CDK12: variants seen among roughly 807,000 people sequenced by gnomAD.
CDK12 encodes the protein cyclin dependent kinase 12.
Under a neutral mutation model 133.8 loss-of-function variants are expected in CDK12, and 17 were observed. The observed-to-expected ratio is 0.13, with a 90% confidence interval of 0.09 to 0.19. CDK12 has a LOEUF of 0.19. Among genes scored for constraint, CDK12 ranks in the 10% least tolerant of loss-of-function variants. The pLI, the probability that CDK12 is intolerant of heterozygous loss-of-function variation, is 1.00. For synonymous variants in CDK12, 694 were observed against 683.6 expected (o/e 1.02, Z -0.24); for missense variants, 1,508 against 1,818.7 (o/e 0.83, Z 3.11).
intron 13 of CDK12, among the ~76,000 whole-genome samples, chr17:39,528,364 C>T (rs568726384): frequency 2.0e-5 from 3 of 152,058 alleles, no homozygotes; most frequent in Non-Finnish European, 4.4e-5. Flanking sequence ...GATGGAGTCT[C>T]GCTCTGTCAC....
chr17:39,487,681 A>G (rs2051247588), intron 2 of CDK12, among the ~76,000 whole-genome samples: 2 of 138,816 alleles, frequency 1.4e-5, no homozygotes, highest in South Asian at 4.4e-4. Flanking sequence ...CAGTGGCACG[A>G]TCTCGGCTTA....
chr17:39,470,342 C>T (rs1188658588), intron 1 of CDK12, among the ~76,000 whole-genome samples: 2 of 151,768 alleles, frequency 1.3e-5, no homozygotes, highest in East Asian at 1.9e-4. Context: ...AGGATGGTCT[C>T]GATCTGCTGA....
In CDK12 at chr17:39,486,506, A is replaced by G. The variant is rs183544449; in HGVS notation, c.1932-4051A>G. On this transcript the variant is annotated intron_variant, in intron 2 of 13. Coordinates refer to ENST00000447079, the MANE Select transcript of CDK12 (RefSeq NM_016507.4). ...GGTCTTGAACTCCTGGGCTCAAGCAATCTTCCTGCCTTGGCTCCCAAAGTA... is the reference window on the plus strand; with the variant it reads ...GGTCTTGAACTCCTGGGCTCAAGCAGTCTTCCTGCCTTGGCTCCCAAAGTA... 2.0e-4 allele frequency among the ~76,000 whole-genome samples: 31 copies of G among 151,958 alleles called. No homozygotes were observed. The East Asian group carries it at 3.1e-3, about 15-fold the overall frequency.
rs1417260168 is a variant in CDK12 at position 39,531,040 on chromosome 17, G to A, written c.4197G>A (p.Gly1399=). 12 of 1,613,580 alleles carry A rather than the reference G, an allele frequency of 7.4e-6. No individual in the cohort carries two copies. The highest frequency in any genetic ancestry group is 2.7e-5 in the African/African-American group (2 of 74,900). ...GCACAGGGTCAGTGCAGTTTCCAGG[G>A]GACCAGGACCTCCGTTTTGCCAGGG... ...YQGTGSVQFP[G]DQDLRFARVP... The change falls in exon 14 of 14, where the codon GGG becomes GGA. Residue 1399 remains glycine (G), a synonymous_variant. Transcript: ENST00000447079.
chr17:39,562,316 T>C (rs2056402471), intron 3 of CDK12, among the ~76,000 whole-genome samples: 1 of 152,212 alleles, frequency 6.6e-6, no homozygotes, highest in Non-Finnish European at 1.5e-5. Context: ...CTCTGTCCTC[T>C]GGTTGGGAGT....
At chr17:39,549,351 G>A (rs1010598870), upstream of CDK12, 1 of 152,286 alleles carries the variant, frequency 6.6e-6, no homozygotes, top group African/African-American at 2.4e-5. Flanking sequence ...GTGACTTCAC[G>A]CTACAGCTCT....
chr17:39,514,858 C>T (rs538224650), intron 8 of CDK12, among the ~76,000 whole-genome samples: 1 of 152,108 alleles, frequency 6.6e-6, no homozygotes. Context: ...TTTCCTTGTG[C>T]CCTTTTGTAA....
intron 1 of CDK12, among the ~76,000 whole-genome samples, chr17:39,542,182 A>G (rs936789521): frequency 5.9e-5 from 9 of 152,024 alleles, no homozygotes; most frequent in Non-Finnish European, 1.3e-4. Flanking sequence ...TGTATCTTAA[A>G]GAATAATCTT....
intron 13 of CDK12, among the ~76,000 whole-genome samples, chr17:39,528,555 T>G (rs1007811743): frequency 6.6e-6 from 1 of 152,100 alleles, no homozygotes; most frequent in Non-Finnish European, 1.5e-5. Flanking sequence ...GGCTGGTCTC[T>G]AACTCCTGAC....
At chr17:39,506,115 T>A (rs2053103519) in intron 6 of CDK12, among the ~76,000 whole-genome samples, 1 of 151,902 alleles carries the variant, frequency 6.6e-6, no homozygotes, top group East Asian at 1.9e-4. Flanking sequence ...AAGTTGCTGA[T>A]TACAGACAAG....
intron 1 of CDK12, among the ~76,000 whole-genome samples, chr17:39,463,804 A>G (rs2049111425): frequency 6.6e-6 from 1 of 151,874 alleles, no homozygotes; most frequent in Non-Finnish European, 1.5e-5. Context: ...CTTTCTCTAA[A>G]ACACATAGTA....
chr17:39,530,959 G>T lies in CDK12; in HGVS notation c.4116G>T (p.Lys1372Asn). The change falls in exon 14 of 14, where the codon AAG (lysine) becomes AAT (asparagine). Residue 1372 changes from lysine to asparagine, a missense_variant. Transcript: ENST00000447079. ...LTESLVQTLV[K>N]NRTFSGSLSH... ...AATCCTTGGTCCAGACCCTGGTGAA[G>T]AACAGGACCTTCTCAGGCTCTCTGA... The T allele has an allele frequency of 6.2e-7, 1 of 1,614,200 alleles. No individual in the cohort carries two copies.
At chr17:39,493,763 C>T (rs2051838044) in intron 4 of CDK12, among the ~76,000 whole-genome samples, 1 of 151,972 alleles carries the variant, frequency 6.6e-6, no homozygotes, top group Non-Finnish European at 1.5e-5. Context: ...TTTGGGAGGC[C>T]AGGTGGGCAG....
At chr17:39,519,411 C>T (rs767435305) in intron 10 of CDK12, among the ~76,000 whole-genome samples, 27 of 141,558 alleles carry the variant, frequency 1.9e-4, no homozygotes, top group Non-Finnish European at 2.6e-4. Context: ...TGGGTCCAAG[C>T]GATTCTCAGC....
At chr17:39,512,076 T>C (rs2053539040) in intron 8 of CDK12, among the ~76,000 whole-genome samples, 1 of 152,154 alleles carries the variant, frequency 6.6e-6, no homozygotes, top group African/African-American at 2.4e-5. Flanking sequence ...TTTAGCATGA[T>C]TTTTTATCTT....
upstream of CDK12, chr17:39,546,596 G>C (rs540718311): frequency 1.3e-5 from 2 of 152,288 alleles, no homozygotes; most frequent in African/African-American, 4.8e-5. Context: ...CCTCTAATCA[G>C]CTTCTTCACT....
intron 3 of CDK12, among the ~76,000 whole-genome samples, chr17:39,557,373 T>G (rs1326785747): frequency 6.6e-6 from 1 of 152,084 alleles, no homozygotes; most frequent in Non-Finnish European, 1.5e-5. Context: ...TGGGTCATTT[T>G]CTCCTACACA....
intron 3 of CDK12, among the ~76,000 whole-genome samples, chr17:39,563,183 GCA>G (rs369246701): frequency 2.4e-4 from 37 of 151,692 alleles, no homozygotes; most frequent in African/African-American, 7.0e-4. Context: ...ACAGGCGTAT[GCA>G]CACACACACA....
chr17:39,522,229 A>G (rs1363979006), intron 11 of CDK12, among the ~76,000 whole-genome samples: 1 of 151,374 alleles, frequency 6.6e-6, no homozygotes, highest in Non-Finnish European at 1.5e-5. Context: ...CTGGGATTAC[A>G]GGTATGCGCC....
Sources: allele counts gnomAD v4.1 joint callset (sites outside exome capture counted in the v4.1 genomes callset), GRCh38; gene constraint gnomAD v4.1.1; transcripts MANE v1.5; gene names NCBI Gene and HGNC (gene_info 2026-07-23, HGNC 2026-07-21).